Variants in UGP2 observed in about 807,000 individuals in gnomAD.
The protein encoded by UGP2 is UTP--glucose-1-phosphate uridylyltransferase.
In UGP2, 40 loss-of-function variants were observed where a neutral mutation model predicts 49.0. The ratio of observed to expected loss-of-function variants is 0.82; its 90% CI spans 0.63 to 1.06. The LOEUF (loss-of-function observed/expected upper bound fraction) is 1.06, where lower values mean the gene tolerates loss of function less well. Ranked by LOEUF, UGP2 falls within the 50% of genes least tolerant of loss-of-function variation. The probability of loss-of-function intolerance (pLI) is 0.00; values close to 1 mark genes in which losing one functional copy is unlikely to be tolerated. For synonymous variants in UGP2, 225 were observed against 213.0 expected, an observed-to-expected ratio of 1.06 and a Z score of -0.49; for missense variants, 460 against 603.5, an observed-to-expected ratio of 0.76 and a Z score of 2.49.
chr2:63,846,323 G>T (rs1671928638), intron 1 of UGP2: 1 of 152,154 alleles, frequency 6.6e-6, no homozygotes, highest in African/African-American at 2.4e-5. Context: ...AAAGTTCTGA[G>T]AGTTATGGGG....
At chr2:63,885,268 A>C (rs537175715) in intron 5 of UGP2, among the ~76,000 whole-genome samples, 12 of 152,074 alleles carry the variant, frequency 7.9e-5, no homozygotes, top group Non-Finnish European at 1.6e-4. Context: ...TCACAACTAC[A>C]TAAGTTTGAG....
chr2:63,881,032 G>C (rs1262398631), intron 3 of UGP2, among the ~76,000 whole-genome samples: 2 of 152,208 alleles, frequency 1.3e-5, no homozygotes, highest in Non-Finnish European at 2.9e-5. Flanking sequence ...TTGATCATTA[G>C]TGATGATTGG....
chr2:63,887,222 G>A (rs1482037133), intron 7 of UGP2, among the ~76,000 whole-genome samples, 180 bp from the exon 8 acceptor site: 3 of 150,410 alleles, frequency 2.0e-5, no homozygotes, highest in Non-Finnish European at 3.0e-5. Context: ...CCGAGATTGC[G>A]CCACTGCACT....
chr2:63,867,849 A>G (rs1053962195), intron 3 of UGP2, among the ~76,000 whole-genome samples: 4 of 152,220 alleles, frequency 2.6e-5, no homozygotes, highest in Middle Eastern at 3.2e-3. Context: ...ATTGTATTAA[A>G]TAACTCATCT....
rs576824222 is a variant in UGP2 at position 63,863,516 on chromosome 2, A to G, written c.255+5580A>G. Among the ~76,000 whole-genome samples the G allele has an allele frequency of 7.2e-5, 11 of 152,302 alleles. No individual in the cohort carries two copies. In the East Asian group the frequency reaches 1.9e-3, roughly 27 times the overall value. On this transcript the variant is annotated intron_variant, in intron 3 of 9. Transcript: ENST00000337130. ...AGTAGTTACATGAGTTTGAGAGGCA[A>G]ATATATCAAGAGGAAGAAATAAAAT...
At chr2:63,874,721 CT>C (rs1478053750) in intron 3 of UGP2, among the ~76,000 whole-genome samples, 1 of 151,704 alleles carries the variant, frequency 6.6e-6, no homozygotes, top group African/African-American at 2.4e-5. Context: ...TGGTGCTGTC[CT>C]TGTGGTAATG....
chr2:63,859,808 A>G (rs375730668), intron 3 of UGP2, among the ~76,000 whole-genome samples: 2 of 152,232 alleles, frequency 1.3e-5, no homozygotes, highest in Non-Finnish European at 1.5e-5. Flanking sequence ...CAGAAAATGT[A>G]TTTGCAATCC....
At chr2:63,885,098 A>G (rs1671589168) in intron 5 of UGP2, among the ~76,000 whole-genome samples, 1 of 138,714 alleles carries the variant, frequency 7.2e-6, no homozygotes, top group Non-Finnish European at 1.5e-5. Context: ...CTCTTGCCCC[A>G]TCACCAGCTT....
At chr2:63,882,120 C>T (rs955327844) in intron 3 of UGP2, among the ~76,000 whole-genome samples, 3 of 152,174 alleles carry the variant, frequency 2.0e-5, no homozygotes, top group Non-Finnish European at 4.4e-5. Flanking sequence ...ATGACTTGAT[C>T]ATTTGCTATG....
At chr2:63,890,279 GTTAGTC>G (rs1327983366) in intron 9 of UGP2, 94 bp downstream of exon 9, 7 of 825,276 alleles carry the variant, frequency 8.5e-6, no homozygotes, top group African/African-American at 5.2e-5. Flanking sequence ...AGGAATACTT[GTTAGTC>G]TTAGTGCCAC....
chr2:63,861,182 G>T lies in UGP2; in HGVS notation c.255+3246G>T, dbSNP rs577291998. ...AAAAAATTTTTATATATATATAAAGGTTAATGTTTTAAATTAGAGCAAGAA... is the reference window on the plus strand; with the variant it reads ...AAAAAATTTTTATATATATATAAAGTTTAATGTTTTAAATTAGAGCAAGAA... On this transcript the variant is annotated intron_variant, in intron 3 of 9. Transcript: ENST00000337130. Among the ~76,000 whole-genome samples the T allele has an allele frequency of 2.0e-5, 3 of 151,986 alleles. No homozygotes were observed. In the East Asian group the frequency reaches 5.8e-4, roughly 29 times the overall value.
intron 3 of UGP2, among the ~76,000 whole-genome samples, chr2:63,869,357 T>C (rs1237174001): frequency 6.6e-6 from 1 of 152,246 alleles, no homozygotes; most frequent in Admixed American, 6.5e-5. Flanking sequence ...CCAGTTGAGA[T>C]GAAAAATATT....
intron 3 of UGP2, among the ~76,000 whole-genome samples, chr2:63,859,480 T>C (rs569200476): frequency 6.6e-6 from 1 of 152,098 alleles, no homozygotes; most frequent in East Asian, 1.9e-4. Flanking sequence ...CTTTGAGAGA[T>C]CATGATATAT....
chr2:63,885,508 A>G (rs1370726826), intron 5 of UGP2, 81 bp from the exon 6 acceptor site: 1 of 1,097,624 alleles, frequency 9.1e-7, no homozygotes, highest in Non-Finnish European at 1.2e-6. Context: ...AATTTTATTT[A>G]ACTTTAATGT....
intron 3 of UGP2, among the ~76,000 whole-genome samples, chr2:63,878,922 T>C (rs906142189): frequency 1.3e-5 from 2 of 151,996 alleles, no homozygotes; most frequent in Non-Finnish European, 2.9e-5. Context: ...TGAATACATA[T>C]GATTTTGGAG....
chr2:63,856,684 A>C, intron 2 of UGP2: 1 of 511,508 alleles, frequency 2.0e-6, no homozygotes, highest in East Asian at 4.6e-5. Flanking sequence ...GAACCAAATT[A>C]TACTTTGTTC....
intron 3 of UGP2, among the ~76,000 whole-genome samples, chr2:63,877,448 C>T (rs190381862): frequency 3.1e-4 from 47 of 152,302 alleles, no homozygotes; most frequent in Non-Finnish European, 5.3e-4. Context: ...TGCATGTCGA[C>T]GGATAATTTC....
intron 3 of UGP2, among the ~76,000 whole-genome samples, chr2:63,875,975 G>A (rs1275034010): frequency 6.6e-6 from 1 of 152,018 alleles, no homozygotes; most frequent in East Asian, 1.9e-4. Flanking sequence ...TCCCTGTGTT[G>A]TCTCTGAACA....
chr2:63,886,801 T>G (rs1671706239), intron 7 of UGP2, among the ~76,000 whole-genome samples: 1 of 152,198 alleles, frequency 6.6e-6, no homozygotes, highest in African/African-American at 2.4e-5. Context: ...TACTTCAGTC[T>G]TAGTTGTTGC....
Sources: gnomAD v4.1 joint callset for allele counts (sites outside exome capture counted in the v4.1 genomes callset) on GRCh38, gnomAD v4.1.1 for gene constraint, MANE v1.5 for transcripts, NCBI Gene and HGNC (gene_info 2026-07-23, HGNC 2026-07-21) for gene names.